Variants in NELL1 observed in about 807,000 individuals in gnomAD.
NELL1 encodes neural EGFL like 1.
A neutral mutation model predicts 107.4 loss-of-function variants in NELL1; 76 were observed. That is an observed-to-expected ratio of 0.71 (90% confidence interval 0.59 to 0.86). The LOEUF is 0.86. Among genes scored for constraint, NELL1 ranks in the 40% least tolerant of loss-of-function variants. NELL1 has a pLI of 0.00. For synonymous variants in NELL1, 353 were observed against 341.2 expected, an observed-to-expected ratio of 1.03 and a Z score of -0.38; for missense variants, 1,024 against 1,005.5, an observed-to-expected ratio of 1.02 and a Z score of -0.25.
At chr11:20,995,683 C>T (rs536517174) in intron 12 of NELL1, among the ~76,000 whole-genome samples, 11 of 152,282 alleles carry the variant, frequency 7.2e-5, no homozygotes, top group African/African-American at 2.6e-4. Flanking sequence ...TTCCCTTCAA[C>T]CAGCTTTCTT....
chr11:21,547,461 G>A (rs1856470936), intron 16 of NELL1, among the ~76,000 whole-genome samples: 1 of 151,858 alleles, frequency 6.6e-6, no homozygotes, highest in African/African-American at 2.4e-5. Flanking sequence ...GAAGGGTAGT[G>A]TGTTCTAAGC....
At chr11:21,527,647 G>T (rs1855887937) in intron 15 of NELL1, among the ~76,000 whole-genome samples, 1 of 152,192 alleles carries the variant, frequency 6.6e-6, no homozygotes, top group East Asian at 1.9e-4. Context: ...GAGCCAAGAA[G>T]CCAGTCCAAG....
At chr11:21,109,301 T>C (rs374203367) in intron 12 of NELL1, among the ~76,000 whole-genome samples, 1 of 152,148 alleles carries the variant, frequency 6.6e-6, no homozygotes, top group East Asian at 1.9e-4. Flanking sequence ...ACTCTTAGAA[T>C]ATGGGTATCA....
intron 12 of NELL1, among the ~76,000 whole-genome samples, chr11:21,037,302 T>G (rs2134325877): frequency 6.6e-6 from 1 of 152,244 alleles, no homozygotes; most frequent in Admixed American, 6.5e-5. Context: ...TTGCTTTGGC[T>G]TCTTCTAAGT....
At chr11:20,735,522 G>A (rs143352937) in intron 2 of NELL1, among the ~76,000 whole-genome samples, 13 of 152,214 alleles carry the variant, frequency 8.5e-5, no homozygotes, top group East Asian at 1.9e-4. Flanking sequence ...GTAACTGCCC[G>A]CATGATTAAA....
intron 5 of NELL1, among the ~76,000 whole-genome samples, chr11:20,904,119 TAGTG>T (rs1849938944): frequency 6.6e-6 from 1 of 152,106 alleles, no homozygotes; most frequent in Non-Finnish European, 1.5e-5. Context: ...CAGAACGAGT[TAGTG>T]GGTGCAGCGC....
At chr11:21,252,842 C>G (rs1409589303) in intron 14 of NELL1, among the ~76,000 whole-genome samples, 1 of 152,144 alleles carries the variant, frequency 6.6e-6, no homozygotes, top group Non-Finnish European at 1.5e-5. Context: ...TCGAAGGCAG[C>G]TTTCTATTAC....
chr11:21,079,342 C>T (rs923157400), intron 12 of NELL1, among the ~76,000 whole-genome samples: 6 of 151,806 alleles, frequency 4.0e-5, no homozygotes, highest in East Asian at 1.9e-4. Flanking sequence ...TTGTAACAAG[C>T]GACACAGAAA....
intron 12 of NELL1, among the ~76,000 whole-genome samples, chr11:21,078,562 A>C (rs1428877060): frequency 6.6e-6 from 1 of 152,152 alleles, no homozygotes; most frequent in Non-Finnish European, 1.5e-5. Context: ...TGCATATTAA[A>C]TTTTATATTT....
intron 4 of NELL1, among the ~76,000 whole-genome samples, chr11:20,880,455 A>G (rs1248299518): frequency 1.3e-5 from 2 of 152,240 alleles, no homozygotes; most frequent in African/African-American, 4.8e-5. Context: ...AAATGAGGAA[A>G]TTGAAATACA....
intron 15 of NELL1, among the ~76,000 whole-genome samples, chr11:21,458,098 G>T (rs1053173114): frequency 1.3e-5 from 2 of 152,138 alleles, no homozygotes; most frequent in Non-Finnish European, 2.9e-5. Context: ...GATGGTATCC[G>T]AAGAGAGACA....
intron 12 of NELL1, among the ~76,000 whole-genome samples, chr11:21,020,476 A>G (rs1355598283): frequency 6.6e-6 from 1 of 152,128 alleles, no homozygotes; most frequent in Admixed American, 6.6e-5. Flanking sequence ...TTCTATCTGA[A>G]GCCATCTGAG....
At chr11:21,034,867 C>T (rs946808138) in intron 12 of NELL1, among the ~76,000 whole-genome samples, 4 of 152,006 alleles carry the variant, frequency 2.6e-5, no homozygotes, top group African/African-American at 9.7e-5. Context: ...CCAAAGCTAG[C>T]AGACGACAAG....
At chr11:20,835,786 A>T (rs1848524296) in intron 3 of NELL1, among the ~76,000 whole-genome samples, 1 of 152,228 alleles carries the variant, frequency 6.6e-6, no homozygotes, top group African/African-American at 2.4e-5. Context: ...CTCAAAATAG[A>T]TTATGTACTT....
At chr11:21,516,637 T>C (rs547832965) in intron 15 of NELL1, among the ~76,000 whole-genome samples, 39 of 151,898 alleles carry the variant, frequency 2.6e-4, no homozygotes, top group Non-Finnish European at 4.9e-4. Flanking sequence ...AGTATCTGTA[T>C]ATCTAAACAT....
intron 14 of NELL1, among the ~76,000 whole-genome samples, chr11:21,259,699 C>T (rs1052446311): frequency 1.3e-4 from 20 of 151,862 alleles, no homozygotes; most frequent in African/African-American, 3.6e-4. Context: ...AATACTAAGT[C>T]GGAGTTTCTC....
In NELL1 at chr11:20,819,176, C is replaced by T. The variant is rs142544237; in HGVS notation, c.336-28407C>T. On this transcript the variant is annotated intron_variant, in intron 3 of 19. Transcript: ENST00000357134. Reference sequence around the variant, plus strand: ...GTATTTTTAATGCCATTTATTTGACCTAGCGTGCTAACAAACACTGGAAAA... The same window carrying T: ...GTATTTTTAATGCCATTTATTTGACTTAGCGTGCTAACAAACACTGGAAAA... Among the ~76,000 whole-genome samples, 314 of 152,258 alleles carry T rather than the reference C, an allele frequency of 2.1e-3. 1 individual carries two copies. Among genetic ancestry groups the T allele is most frequent in the African/African-American group, 7.3e-3 (305 of 41,548 alleles).
chr11:21,497,212 C>T (rs1402159309), intron 15 of NELL1, among the ~76,000 whole-genome samples: 5 of 151,204 alleles, frequency 3.3e-5, no homozygotes, highest in Non-Finnish European at 5.9e-5. Context: ...ATGTAAATGA[C>T]GAGTTAATGG....
chr11:21,406,398 C>G (rs1049944435), intron 15 of NELL1, among the ~76,000 whole-genome samples: 4 of 98,510 alleles, frequency 4.1e-5, no homozygotes, highest in African/African-American at 8.3e-5. Flanking sequence ...CCTGAATTTT[C>G]CAATAATAAT....
Sources: gnomAD v4.1 joint callset for allele counts (sites outside exome capture counted in the v4.1 genomes callset) on GRCh38, gnomAD v4.1.1 for gene constraint, MANE v1.5 for transcripts, NCBI Gene and HGNC (gene_info 2026-07-23, HGNC 2026-07-21) for gene names.